The following KIF13A variants were observed in gnomAD, a reference collection of about 807,000 sequenced individuals.
KIF13A encodes the protein kinesin family member 13A.
Under a neutral mutation model 212.2 loss-of-function variants are expected in KIF13A, and 79 were observed. The ratio of observed to expected loss-of-function variants is 0.37; its 90% CI spans 0.31 to 0.45. KIF13A has a LOEUF of 0.45. Among genes scored for constraint, KIF13A ranks in the 20% least tolerant of loss-of-function variants. The pLI, the probability that KIF13A is intolerant of heterozygous loss-of-function variation, is 1.00. For synonymous variants in KIF13A, 789 were observed against 808.6 expected (o/e 0.98, Z 0.41); for missense variants, 1,901 against 2,209.0 (o/e 0.86, Z 2.79).
At chr6:17,933,982 A>T (rs903324181) in intron 2 of KIF13A, among the ~76,000 whole-genome samples, 2 of 152,226 alleles carry the variant, frequency 1.3e-5, no homozygotes, top group Non-Finnish European at 2.9e-5. Context: ...CTATGGAAAC[A>T]TAGGATTTCA....
rs769438850 is a variant in KIF13A, at chr6:17,779,071, G to A, written c.3968C>T (p.Thr1323Met). Residue 1323 changes from threonine (T) to methionine (M), a missense_variant, in exon 33 of 39, where the codon ACG (threonine) becomes ATG (methionine). Physicochemically the swap from Thr to Met is moderately conservative, Grantham distance 81. Coordinates refer to ENST00000259711, the MANE Select transcript of KIF13A (RefSeq NM_022113.6). ...ACTCCTTGCTGCCAGGAGAGCCAGC[G>A]TTTCCCGGTCCTCTATCTCCTCAGT... ...KATEEIEDRETLALLAARSEN... is the reference protein window; with the variant it reads ...KATEEIEDREMLALLAARSEN... 6 of 1,613,438 alleles carry A rather than the reference G, an allele frequency of 3.7e-6. No individual in the cohort carries two copies. The highest frequency in any genetic ancestry group is 1.3e-5 in the African/African-American group (1 of 74,786).
chr6:17,955,301 C>T (rs938492162), intron 2 of KIF13A, among the ~76,000 whole-genome samples: 16 of 148,570 alleles, frequency 1.1e-4, no homozygotes, highest in Middle Eastern at 3.5e-3. Context: ...TGGGTTTCTA[C>T]CTGTTTTGAT....
chr6:17,863,555 C>A (rs1214719575), intron 4 of KIF13A, among the ~76,000 whole-genome samples: 1 of 151,846 alleles, frequency 6.6e-6, no homozygotes, highest in Non-Finnish European at 1.5e-5. Flanking sequence ...GGTTTGGTGA[C>A]CTTCAGGGCA....
In KIF13A at chr6:17,941,107, G is replaced by C. The variant is rs1011166638; in HGVS notation, c.147-42927C>G. 2.0e-5 allele frequency among the ~76,000 whole-genome samples: 3 copies of C among 152,294 alleles called. No individual in the cohort carries two copies. The East Asian group carries it at 5.8e-4, about 29-fold the overall frequency. ...CCCAAAGTGCTGGGATTACAGGCGT[G>C]AGCCATTGCACCTGGCCCAACATAT... On this transcript the variant is annotated intron_variant, in intron 2 of 38. Coordinates refer to ENST00000259711, the MANE Select transcript of KIF13A (RefSeq NM_022113.6).
chr6:17,774,342 G>A (rs1759750185), intron 35 of KIF13A, among the ~76,000 whole-genome samples: 1 of 152,036 alleles, frequency 6.6e-6, no homozygotes, highest in Admixed American at 6.6e-5. Flanking sequence ...AAATAATTTT[G>A]ATTATGCTAT....
At position 17,777,768 on chromosome 6, in the gene KIF13A, T is replaced by A. The variant is rs201556797; in HGVS notation, c.4093-414A>T. 7.9e-5 allele frequency among the ~76,000 whole-genome samples: 12 copies of A among 152,336 alleles called. No individual in the cohort carries two copies. The East Asian group carries it at 1.7e-3, about 22-fold the overall frequency. On this transcript the variant is annotated intron_variant, in intron 33 of 38. Transcript: ENST00000259711. The surrounding 1 kb of genome is among the most constrained non-coding windows in gnomAD (Gnocchi z 4.4). The stretch of plus-strand genomic sequence containing the variant: ...ATAGACTGCATCAGTTCTACATACA[T>A]ACACATTTATAAAACTGAAATATTA...
chr6:17,949,811 T>C (rs1300819013), intron 2 of KIF13A, among the ~76,000 whole-genome samples: 1 of 152,152 alleles, frequency 6.6e-6, no homozygotes, highest in South Asian at 2.1e-4. Context: ...CTCGAGTTTT[T>C]AAGCCTAAAG....
intron 2 of KIF13A, among the ~76,000 whole-genome samples, chr6:17,952,468 AC>A (rs1363916336): frequency 6.6e-6 from 1 of 151,744 alleles, no homozygotes; most frequent in East Asian, 1.9e-4. Flanking sequence ...TTCTGCCTCT[AC>A]AAAAAATTTA....
chr6:17,921,911 G>A (rs1775108750), intron 2 of KIF13A, among the ~76,000 whole-genome samples: 1 of 152,162 alleles, frequency 6.6e-6, no homozygotes, highest in Admixed American at 6.5e-5. Context: ...TAAAAAATCT[G>A]CAGAGTTTAC....
chr6:17,836,780 A>G (rs375708009), intron 11 of KIF13A, 98 bp downstream of exon 11: 43 of 1,053,046 alleles, frequency 4.1e-5, no homozygotes, highest in African/African-American at 3.6e-4. Context: ...AATCGAAACC[A>G]TATCAGATGA....
chr6:17,893,365 A>G (rs1471906260), intron 3 of KIF13A, among the ~76,000 whole-genome samples: 1 of 152,198 alleles, frequency 6.6e-6, no homozygotes, highest in Non-Finnish European at 1.5e-5. Context: ...AATATATCCC[A>G]AGTATTTAAT....
At chr6:17,819,821 A>G (rs1292532088) in intron 16 of KIF13A, among the ~76,000 whole-genome samples, 5 of 152,186 alleles carry the variant, frequency 3.3e-5, no homozygotes, top group Non-Finnish European at 7.3e-5. Context: ...TCAGAATTAA[A>G]AAAATATATA....
At chr6:17,796,515 C>T (rs1762047410) in intron 23 of KIF13A, among the ~76,000 whole-genome samples, 154 bp downstream of exon 23, 1 of 150,206 alleles carries the variant, frequency 6.7e-6, no homozygotes, top group African/African-American at 2.4e-5. Flanking sequence ...TGCTGGATTA[C>T]AGGCATGAGC....
At chr6:17,780,180 TGTTA>T (rs1430521918) in intron 31 of KIF13A, among the ~76,000 whole-genome samples, 1 of 152,218 alleles carries the variant, frequency 6.6e-6, no homozygotes, top group African/African-American at 2.4e-5. Flanking sequence ...AACGTCCAGC[TGTTA>T]GTTGGGAATT....
intron 2 of KIF13A, among the ~76,000 whole-genome samples, chr6:17,933,681 C>T (rs1776204041): frequency 2.0e-5 from 3 of 152,070 alleles, no homozygotes; most frequent in Admixed American, 2.0e-4. Flanking sequence ...ATATTATGTA[C>T]AGTTCCAAAA....
chr6:17,833,112 T>G (rs2150374778), intron 12 of KIF13A, among the ~76,000 whole-genome samples: 1 of 151,786 alleles, frequency 6.6e-6, no homozygotes, highest in South Asian at 2.1e-4. Context: ...TAACCATGCT[T>G]GTTCAAATTT....
chr6:17,873,380 C>G lies in KIF13A; in HGVS notation c.217G>C (p.Ala73Pro). ...GGTGTAGAGGGAGAAAACTTACCAGCGTATTTTGTAGTGTTAGATTCATCC... is the reference window on the plus strand; with the variant it reads ...GGTGTAGAGGGAGAAAACTTACCAGGGTATTTTGTAGTGTTAGATTCATCC... ...SMDESNTTKY[A>P]GQEVVFKCLG... is the part of the protein sequence containing the mutation. Residue 73 changes from alanine to proline, a missense_variant, in exon 4 of 39, where the codon GCT becomes CCT. By Grantham distance (27) the Ala-to-Pro change is conservative. This residue lies in a region of KIF13A where 506 missense variants were observed against 637.4 expected (regional missense o/e 0.79). Coordinates refer to ENST00000259711, the MANE Select transcript of KIF13A (RefSeq NM_022113.6). 1 of 1,593,926 alleles carries G rather than the reference C, an allele frequency of 6.3e-7. No homozygotes were observed. Among genetic ancestry groups the G allele is most frequent in the Non-Finnish European group, 8.6e-7 (1 of 1,168,878 alleles).
intron 34 of KIF13A, 132 bp from the exon 35 acceptor site, chr6:17,775,194 CAGG>C (rs1759845283): frequency 3.0e-6 from 2 of 664,718 alleles, no homozygotes; most frequent in East Asian, 2.9e-5. Context: ...CTTCCCTCTC[CAGG>C]AGTAGTGACT....
At position 17,825,724 on chromosome 6, in the gene KIF13A, T is replaced by G; in HGVS notation, c.1786+44A>C. On this transcript the variant is annotated intron_variant, in intron 16 of 38. Coordinates refer to ENST00000259711, the MANE Select transcript of KIF13A (RefSeq NM_022113.6). The surrounding 1 kb of genome is among the most constrained non-coding windows in gnomAD (Gnocchi z 4.5). ...TTATCCCTCACTGAATGGTGTGAGG[T>G]GAGGAAATGCCCAAGGCGCTGGAAC... The G allele has an allele frequency of 1.3e-6, 2 of 1,570,408 alleles. No individual in the cohort carries two copies. Among genetic ancestry groups the G allele is most frequent in the Non-Finnish European group, 1.7e-6 (2 of 1,151,486 alleles).
Sources: gnomAD v4.1 joint callset for allele counts (sites outside exome capture counted in the v4.1 genomes callset) on GRCh38, gnomAD v4.1.1 for gene constraint, gnomAD v4.1.1 regional missense constraint, Gnocchi (gnomAD v3.1) non-coding constraint, MANE v1.5 for transcripts, NCBI Gene and HGNC (gene_info 2026-07-23, HGNC 2026-07-21) for gene names.